Variants in SLC16A2 observed in about 807,000 individuals in gnomAD.
The protein encoded by SLC16A2 is monocarboxylate transporter 8.
A neutral mutation model predicts 27.2 loss-of-function variants in SLC16A2; 3 were observed. That is an observed-to-expected ratio of 0.11 (90% CI 0.05 to 0.28). The LOEUF (loss-of-function observed/expected upper bound fraction) is 0.28, where lower values mean the gene tolerates loss of function less well. SLC16A2 is among the 10% of genes least tolerant of loss of function. The pLI is 1.00. For synonymous variants in SLC16A2, 202 were observed against 187.8 expected, an observed-to-expected ratio of 1.08 and a Z score of -0.62; for missense variants, 295 against 458.5, an observed-to-expected ratio of 0.64 and a Z score of 3.26.
intron 1 of SLC16A2, among the ~76,000 whole-genome samples, chrX:74,427,480 T>C (rs1425193551): frequency 9.0e-6 from 1 of 111,606 alleles, no homozygotes; most frequent in Non-Finnish European, 1.9e-5. Context: ...TTGGAAGTCA[T>C]TGGCCGTATT....
At chrX:74,517,360 T>G (rs1322130512) in intron 1 of SLC16A2, among the ~76,000 whole-genome samples, 1 of 112,284 alleles carries the variant, frequency 8.9e-6, no homozygotes, top group Non-Finnish European at 1.9e-5. Context: ...AAAAAATTCC[T>G]TATAAGAATA....
intron 1 of SLC16A2, among the ~76,000 whole-genome samples, chrX:74,438,212 C>T (rs1157548232): frequency 1.8e-5 from 2 of 112,319 alleles, no homozygotes; most frequent in Non-Finnish European, 3.8e-5. Context: ...ACCTGATCTG[C>T]AATCTTGACC....
intron 2 of SLC16A2, 21 bp from the exon 3 acceptor site, chrX:74,524,338 C>T (rs746406653): frequency 1.7e-6 from 2 of 1,205,276 alleles, no homozygotes; most frequent in Admixed American, 4.4e-5. Context: ...CTGAGGACAG[C>T]TCTTGGTATT....
chrX:74,470,971 T>C (rs1929345553), intron 1 of SLC16A2, among the ~76,000 whole-genome samples: 1 of 112,432 alleles, frequency 8.9e-6, no homozygotes. Context: ...ATTTTCTTTT[T>C]GTTGAATTTT....
chrX:74,430,039 T>A, intron 1 of SLC16A2, among the ~76,000 whole-genome samples: 1 of 112,249 alleles, frequency 8.9e-6, no homozygotes, highest in East Asian at 2.8e-4. Flanking sequence ...CTGCCTAATA[T>A]GCACCCTAAT....
Position 74,533,171 on chromosome X carries a change from G to A in SLC16A2, c.*1618G>A, listed in dbSNP as rs1289918617. The A allele has an allele frequency of 8.9e-6, 1 of 112,147 alleles. No individual in the cohort carries two copies. Among genetic ancestry groups the A allele is most frequent in the African/African-American group, 3.3e-5 (1 of 30,727 alleles). 9.2% of individuals were successfully genotyped at this position (112,147 alleles called of 1,213,427 possible). On this transcript the variant is annotated 3_prime_UTR_variant, in exon 6 of 6. Transcript: ENST00000587091. The stretch of plus-strand genomic sequence containing the variant: ...GCCACCTTAAGGCAGGGTCATCCCC[G>A]GGCCAGGAGGATGAGGTTGTCCTGA...
chrX:74,439,860 A>C (rs1928709773), intron 1 of SLC16A2, among the ~76,000 whole-genome samples: 1 of 110,973 alleles, frequency 9.0e-6, no homozygotes, highest in African/African-American at 3.3e-5. Flanking sequence ...TGGGGAATTA[A>C]ATGAGGTGAG....
intron 1 of SLC16A2, among the ~76,000 whole-genome samples, chrX:74,462,309 T>C (rs1929164178): frequency 9.0e-6 from 1 of 111,616 alleles, no homozygotes; most frequent in African/African-American, 3.3e-5. Flanking sequence ...AGTTTTTGGT[T>C]ATAGTTTGGT....
At chrX:74,495,086 C>T (rs1929909230) in intron 1 of SLC16A2, among the ~76,000 whole-genome samples, 1 of 111,826 alleles carries the variant, frequency 8.9e-6, no homozygotes. Flanking sequence ...CTCCCCCTCA[C>T]CCAGAAGAAA....
intron 1 of SLC16A2, among the ~76,000 whole-genome samples, chrX:74,463,923 C>G (rs1929202209): frequency 8.9e-6 from 1 of 112,312 alleles, no homozygotes; most frequent in Non-Finnish European, 1.9e-5. Flanking sequence ...TCTTCATGCC[C>G]TGTTTTAGTT....
At chrX:74,478,891 A>C (rs1042462848) in intron 1 of SLC16A2, among the ~76,000 whole-genome samples, 3 of 111,362 alleles carry the variant, frequency 2.7e-5, no homozygotes, top group Non-Finnish European at 3.8e-5. Context: ...GGGTAACCCG[A>C]CCTTTCTCTC....
At position 74,523,065 on chromosome X, in the gene SLC16A2, C is replaced by T. The variant is rs756164357; in HGVS notation, c.576-1294C>T. Reference sequence around the variant, plus strand: ...TCCTATGTTTTTCCCCCACTGGCCCCTTCCCTGAAGGTCTAACACAAGGCC... The same window carrying T: ...TCCTATGTTTTTCCCCCACTGGCCCTTTCCCTGAAGGTCTAACACAAGGCC... On this transcript the variant is annotated intron_variant, in intron 2 of 5. Transcript: ENST00000587091. Among the ~76,000 whole-genome samples, 13 of 111,930 alleles carry T rather than the reference C, an allele frequency of 1.2e-4. No homozygotes were observed. The East Asian group carries it at 3.4e-3, about 29-fold the overall frequency.
intron 1 of SLC16A2, among the ~76,000 whole-genome samples, chrX:74,470,814 T>C (rs1222180923): frequency 1.8e-5 from 2 of 110,592 alleles, no homozygotes; most frequent in Non-Finnish European, 3.8e-5. Flanking sequence ...GGCGGCTACC[T>C]GTAGTCCCAG....
chrX:74,457,747 C>T (rs1287547257), intron 1 of SLC16A2, among the ~76,000 whole-genome samples: 1 of 110,195 alleles, frequency 9.1e-6, no homozygotes, highest in Non-Finnish European at 1.9e-5. Context: ...CTAGAACCAC[C>T]CGCCAGCCTC....
Position 74,441,857 on chromosome X carries a change from C to T in SLC16A2, c.430+19790C>T, listed in dbSNP as rs1425694809. On this transcript the variant is annotated intron_variant, in intron 1 of 5. Transcript: ENST00000587091. ...ACCCCCAGTCTCTGACCTTCCTGTACCTGCCCTTATCACTTCAGGTTCTGG... is the reference window on the plus strand; with the variant it reads ...ACCCCCAGTCTCTGACCTTCCTGTATCTGCCCTTATCACTTCAGGTTCTGG... Among the ~76,000 whole-genome samples the T allele has an allele frequency of 2.7e-5, 3 of 111,506 alleles. No homozygotes were observed. The Admixed American group carries it at 2.9e-4, about 11-fold the overall frequency.
chrX:74,494,426 C>T (rs1419092551), intron 1 of SLC16A2, among the ~76,000 whole-genome samples: 1 of 111,361 alleles, frequency 9.0e-6, no homozygotes, highest in East Asian at 2.8e-4. Flanking sequence ...AAGACAAGAA[C>T]CCCTTTCAGC....
At chrX:74,523,748 C>T (rs770351617) in intron 2 of SLC16A2, among the ~76,000 whole-genome samples, 13 of 112,099 alleles carry the variant, frequency 1.2e-4, no homozygotes, top group Admixed American at 1.1e-3. Context: ...CCGCTGAGAT[C>T]GTCCAGGGCC....
intron 1 of SLC16A2, among the ~76,000 whole-genome samples, chrX:74,470,925 G>A (rs759660759): frequency 3.8e-4 from 42 of 110,462 alleles, no homozygotes; most frequent in African/African-American, 1.2e-3. Context: ...GCTACAGAGC[G>A]AGACTCCGTC....
chrX:74,500,655 T>C (rs918753212), intron 1 of SLC16A2, among the ~76,000 whole-genome samples: 2 of 111,572 alleles, frequency 1.8e-5, no homozygotes, highest in Admixed American at 9.6e-5. Flanking sequence ...CAACATTTAG[T>C]TTTCCAGATG....
Sources: allele counts gnomAD v4.1 joint callset (sites outside exome capture counted in the v4.1 genomes callset), GRCh38; gene constraint gnomAD v4.1.1; transcripts MANE v1.5; gene names NCBI Gene and HGNC (gene_info 2026-07-23, HGNC 2026-07-21).